SH3BGR: variants seen among roughly 807,000 people sequenced by gnomAD.
SH3BGR encodes the protein SH3 domain binding glutamate rich protein, also known as SH3 domain-binding glutamic acid-rich protein.
A neutral mutation model predicts 24.5 loss-of-function variants in SH3BGR; 29 were observed. The observed-to-expected ratio is 1.18, with a 90% CI of 0.88 to 1.61. The LOEUF is 1.61. Ranked by LOEUF, SH3BGR falls within the 40% of genes most tolerant of loss-of-function variation. The probability of loss-of-function intolerance (pLI) is 0.00; values close to 1 mark genes in which losing one functional copy is unlikely to be tolerated. For synonymous variants in SH3BGR, 55 were observed against 65.7 expected, an observed-to-expected ratio of 0.84 and a Z score of 0.79; for missense variants, 162 against 205.8, an observed-to-expected ratio of 0.79 and a Z score of 1.30.
At chr21:39,470,188 T>G (rs1451416644) in intron 2 of SH3BGR, among the ~76,000 whole-genome samples, 1 of 152,166 alleles carries the variant, frequency 6.6e-6, no homozygotes, top group Admixed American at 6.5e-5. Context: ...ATCCTTTTAG[T>G]GGTTAACTTA....
chr21:39,485,290 A>G (rs748095779), intron 3 of SH3BGR, among the ~76,000 whole-genome samples: 15 of 152,216 alleles, frequency 9.9e-5, no homozygotes, highest in Admixed American at 2.6e-4. Context: ...TATATTGCCA[A>G]AAAATATATA....
intron 4 of SH3BGR, among the ~76,000 whole-genome samples, chr21:39,507,676 T>G (rs1342444740): frequency 6.6e-6 from 1 of 151,070 alleles, no homozygotes; most frequent in African/African-American, 2.4e-5. Flanking sequence ...GACAAGGTCT[T>G]ATTTTGTCAC....
intron 1 of SH3BGR, among the ~76,000 whole-genome samples, chr21:39,460,976 T>C (rs2148459006): frequency 6.6e-6 from 1 of 152,116 alleles, no homozygotes; most frequent in East Asian, 1.9e-4. Flanking sequence ...CTTTCCCTTT[T>C]CCCAATCCCT....
chr21:39,464,157 C>T (rs149996310), intron 2 of SH3BGR, among the ~76,000 whole-genome samples: 80 of 152,280 alleles, frequency 5.3e-4, no homozygotes, highest in African/African-American at 1.6e-3. Context: ...GAATAGGGCC[C>T]GCCCTCATCC....
chr21:39,469,269 A>G (rs776749714), intron 2 of SH3BGR, among the ~76,000 whole-genome samples: 7 of 149,708 alleles, frequency 4.7e-5, no homozygotes, highest in Non-Finnish European at 8.9e-5. Context: ...ATAGGTAGTT[A>G]TGTCTTCTCT....
chr21:39,453,405 A>C (rs1181513579), intron 1 of SH3BGR, among the ~76,000 whole-genome samples: 1 of 152,198 alleles, frequency 6.6e-6, no homozygotes, highest in Non-Finnish European at 1.5e-5. Flanking sequence ...TATTGGATAA[A>C]AAAATTTTTT....
chr21:39,461,989 C>T (rs965790066), intron 1 of SH3BGR, among the ~76,000 whole-genome samples: 1 of 152,076 alleles, frequency 6.6e-6, no homozygotes, highest in East Asian at 1.9e-4. Flanking sequence ...GCTGGGATTA[C>T]AGGCGTGTGC....
intron 2 of SH3BGR, 108 bp downstream of exon 2, chr21:39,462,668 T>C: frequency 2.9e-6 from 2 of 681,210 alleles, no homozygotes; most frequent in Non-Finnish European, 4.6e-6. Context: ...AACTGTCAGG[T>C]CATGGTCTAT....
intron 3 of SH3BGR, among the ~76,000 whole-genome samples, chr21:39,493,710 T>C (rs1224069991): frequency 6.6e-6 from 1 of 152,202 alleles, no homozygotes; most frequent in East Asian, 1.9e-4. Flanking sequence ...TTTGGCCGTG[T>C]GGTCATTTTC....
At chr21:39,494,680 C>T (rs961987852) in intron 3 of SH3BGR, among the ~76,000 whole-genome samples, 3 of 151,618 alleles carry the variant, frequency 2.0e-5, no homozygotes, top group African/African-American at 7.3e-5. Flanking sequence ...ATATGCCTAC[C>T]TATGTTTTTT....
intron 4 of SH3BGR, among the ~76,000 whole-genome samples, chr21:39,500,589 G>A (rs77735185): frequency 0.014 from 2,167 of 152,194 alleles, 23 homozygotes; most frequent in Middle Eastern, 0.058. Context: ...GAAACCAGGC[G>A]CCAAGGAAGG....
chr21:39,451,636 T>C (rs185643045), upstream of SH3BGR, among the ~76,000 whole-genome samples: 2 of 152,078 alleles, frequency 1.3e-5, no homozygotes, highest in African/African-American at 4.8e-5. Context: ...TAGACTGAGG[T>C]GGTGTTTTCT....
rs764757325 is a variant in SH3BGR at position 39,477,498 on chromosome 21, AT to A, written c.312+2284del. ...GGTTGCTCATTATTTTTAATTACAA[AT>A]AACTCTGCACTGATTTTCACCATGA... On this transcript the variant is annotated intron_variant, in intron 3 of 6. Transcript: ENST00000333634. Among the ~76,000 whole-genome samples the A allele has an allele frequency of 4.6e-5, 7 of 152,276 alleles. No homozygotes were observed. In the East Asian group the frequency reaches 1.4e-3, roughly 29 times the overall value.
intron 3 of SH3BGR, chr21:39,491,860 CT>C: frequency 6.1e-6 from 1 of 162,920 alleles, no homozygotes; most frequent in Non-Finnish European, 1.4e-5. Flanking sequence ...GGCCATGGCC[CT>C]TTTTGGTATG....
At chr21:39,493,883 G>A (rs879819612) in intron 3 of SH3BGR, among the ~76,000 whole-genome samples, 5 of 152,156 alleles carry the variant, frequency 3.3e-5, no homozygotes, top group East Asian at 1.9e-4. Flanking sequence ...TATTGTAAAA[G>A]TAGTTGAGAT....
rs200706646 is a variant in SH3BGR, at chr21:39,508,297, G to A, written c.406-701G>A. The stretch of plus-strand genomic sequence containing the variant: ...TCAGGGAGGTTTATCGGACCATTCT[G>A]GGAAGGGATGGAAAAGCTTTTGTTT... On this transcript the variant is annotated intron_variant, in intron 4 of 6. Coordinates refer to ENST00000333634, the MANE Select transcript of SH3BGR (RefSeq NM_007341.3). Among the ~76,000 whole-genome samples, 4 of 152,278 alleles carry A rather than the reference G, an allele frequency of 2.6e-5. No homozygotes were observed. The East Asian group carries it at 5.8e-4, about 22-fold the overall frequency.
chr21:39,480,445 A>G (rs1305023312), intron 3 of SH3BGR, among the ~76,000 whole-genome samples: 2 of 152,150 alleles, frequency 1.3e-5, no homozygotes, highest in Non-Finnish European at 1.5e-5. Context: ...ACCATACACC[A>G]TGGGGTCCTT....
chr21:39,452,207 C>A, intron 1 of SH3BGR, 66 bp downstream of exon 1: 2 of 1,594,634 alleles, frequency 1.3e-6, no homozygotes. Context: ...GGAAATATGG[C>A]CAACGTTGGC....
At chr21:39,457,606 A>C (rs2148452494) in intron 1 of SH3BGR, among the ~76,000 whole-genome samples, 1 of 150,950 alleles carries the variant, frequency 6.6e-6, no homozygotes, top group East Asian at 1.9e-4. Context: ...CTAGGGCTTA[A>C]GTATCCAGAT....
Sources: allele counts gnomAD v4.1 joint callset (sites outside exome capture counted in the v4.1 genomes callset), GRCh38; gene constraint gnomAD v4.1.1; transcripts MANE v1.5; gene names NCBI Gene and HGNC (gene_info 2026-07-23, HGNC 2026-07-21).